EHD4: variants seen among roughly 807,000 people sequenced by gnomAD.
EHD4 encodes EH domain containing 4, also known as EH domain-containing protein 4.
In EHD4, 37 loss-of-function variants were observed where a neutral mutation model predicts 51.0. The observed-to-expected ratio is 0.73, with a 90% CI of 0.56 to 0.95. EHD4 has a LOEUF of 0.95. Ranked by LOEUF, EHD4 falls within the 40% of genes least tolerant of loss-of-function variation. The probability of loss-of-function intolerance (pLI) is 0.00; values close to 1 mark genes in which losing one functional copy is unlikely to be tolerated. For missense variants in EHD4, 632 were observed against 733.1 expected (o/e 0.86, Z 1.59); for synonymous variants, 297 against 317.3 (o/e 0.94, Z 0.68).
intron 3 of EHD4, among the ~76,000 whole-genome samples, chr15:41,922,852 G>C (rs1183763245): frequency 6.6e-6 from 1 of 152,164 alleles, no homozygotes; most frequent in Non-Finnish European, 1.5e-5. Context: ...GCTTAATATA[G>C]TTCGAGAAGT....
chr15:41,928,851 G>C (rs2067680054), intron 3 of EHD4: 1 of 152,258 alleles, frequency 6.6e-6, no homozygotes, highest in Non-Finnish European at 1.5e-5. Context: ...GAATGGCTCT[G>C]CTCCACTGGC....
intron 5 of EHD4, among the ~76,000 whole-genome samples, chr15:41,903,031 C>T (rs948545956): frequency 1.7e-4 from 26 of 151,486 alleles, no homozygotes; most frequent in African/African-American, 5.6e-4. Flanking sequence ...GCGAGAGTTA[C>T]CTAGAGCTTT....
At chr15:41,942,730 T>C in intron 3 of EHD4, 1 of 234,392 alleles carries the variant, frequency 4.3e-6, no homozygotes, top group Non-Finnish European at 8.6e-6. Context: ...CTCCTTCAGA[T>C]CCTAGTTCCA....
intron 4 of EHD4, among the ~76,000 whole-genome samples, chr15:41,914,483 T>C (rs955149703): frequency 1.3e-5 from 2 of 151,838 alleles, no homozygotes; most frequent in Non-Finnish European, 2.9e-5. Context: ...GGGTTTGTTA[T>C]TCTGCTCAGA....
In EHD4 at chr15:41,896,098, G is replaced by A. The variant is rs757562843; in HGVS notation, c.*4547C>T. 2 of 152,122 alleles carry A rather than the reference G, an allele frequency of 1.3e-5. No homozygotes were observed. The highest frequency in any genetic ancestry group is 2.9e-5 in the Non-Finnish European group (2 of 68,056). The allele number at this position is 152,122 out of a possible 1,614,324, so 9.4% of individuals were successfully genotyped here. A position where few individuals can be genotyped will look rare whatever the true frequency, so the allele number is the denominator to read the frequency against. On this transcript the variant is annotated 3_prime_UTR_variant, in exon 6 of 6. Transcript: ENST00000220325. ...ATTATAGGTGTGAGCCACCATGCCT[G>A]GCTTACACAGTATAAAGGGAATGCA...
At chr15:41,934,958 C>T (rs1385659600) in intron 3 of EHD4, among the ~76,000 whole-genome samples, 1 of 152,154 alleles carries the variant, frequency 6.6e-6, no homozygotes, top group African/African-American at 2.4e-5. Context: ...CTTCCTGGTA[C>T]TCTCAGAGAA....
At chr15:41,965,520 A>T (rs1442240832) in intron 1 of EHD4, among the ~76,000 whole-genome samples, 1 of 152,232 alleles carries the variant, frequency 6.6e-6, no homozygotes, top group Non-Finnish European at 1.5e-5. Context: ...AATGGTTCCC[A>T]AATGTTTCCT....
chr15:41,925,391 C>T (rs2067654704), intron 3 of EHD4, among the ~76,000 whole-genome samples: 2 of 152,212 alleles, frequency 1.3e-5, no homozygotes, highest in Admixed American at 1.3e-4. Flanking sequence ...GGTGACAGAA[C>T]AGGAGTGAGA....
rs185540666 is a variant in EHD4 at position 41,897,189 on chromosome 15, T to C, written c.*3456A>G. Reference sequence around the variant, plus strand: ...GCATTTACCTGAGTAAACTCAGTGGTTTTCTGTCCTAAGCATGCTTGCCTG... The same window carrying C: ...GCATTTACCTGAGTAAACTCAGTGGCTTTCTGTCCTAAGCATGCTTGCCTG... On this transcript the variant is annotated 3_prime_UTR_variant, in exon 6 of 6. Transcript: ENST00000220325. 4.5e-4 allele frequency: 68 copies of C among 152,296 alleles called. No individual in the cohort carries two copies. Among genetic ancestry groups the C allele is most frequent in the African/African-American group, 1.6e-3 (67 of 41,546 alleles). The allele number at this position is 152,296 out of a possible 1,614,324, so 9.4% of individuals were successfully genotyped here. A position where few individuals can be genotyped will look rare whatever the true frequency, so the allele number is the denominator to read the frequency against.
In EHD4 at chr15:41,900,438, T is replaced by C; in HGVS notation, c.*207A>G. 3.3e-6 allele frequency: 2 copies of C among 604,572 alleles called. No homozygotes were observed. The highest frequency in any genetic ancestry group is 5.8e-6 in the Non-Finnish European group (2 of 346,672). 37.5% of individuals were successfully genotyped at this position (604,572 alleles called of 1,614,324 possible). On this transcript the variant is annotated 3_prime_UTR_variant, in exon 6 of 6. Coordinates refer to ENST00000220325, the MANE Select transcript of EHD4 (RefSeq NM_139265.4). This position sits in a 1 kb window ranked among gnomAD's most constrained non-coding sequence, Gnocchi z 4.8. ...CCTTCAATCTCCTAATCCACCCCCC[T>C]ACCCCCAATATTTTCATAGAAACTA...
At chr15:41,953,516 C>T (rs1270880479) in intron 2 of EHD4, among the ~76,000 whole-genome samples, 1 of 152,166 alleles carries the variant, frequency 6.6e-6, no homozygotes, top group Non-Finnish European at 1.5e-5. Context: ...ACACACCTGG[C>T]CCTGTGCAGC....
intron 5 of EHD4, among the ~76,000 whole-genome samples, chr15:41,909,236 G>A (rs922746916): frequency 1.2e-4 from 18 of 152,348 alleles, no homozygotes; most frequent in African/African-American, 4.1e-4. Context: ...GTCCAGCAGC[G>A]TCCGCAGAGC....
chr15:41,965,426 G>A (rs2067955482), intron 1 of EHD4, among the ~76,000 whole-genome samples: 1 of 152,200 alleles, frequency 6.6e-6, no homozygotes, highest in South Asian at 2.1e-4. Flanking sequence ...TGGAACGGAT[G>A]GAAGGTTCAG....
chr15:41,909,128 G>T (rs1183380930), intron 5 of EHD4, among the ~76,000 whole-genome samples: 1 of 152,208 alleles, frequency 6.6e-6, no homozygotes, highest in Non-Finnish European at 1.5e-5. Context: ...TTGTTGCCTG[G>T]CTGGAGCTGC....
chr15:41,965,111 C>T (rs2067953765), intron 1 of EHD4, among the ~76,000 whole-genome samples: 1 of 151,986 alleles, frequency 6.6e-6, no homozygotes, highest in African/African-American at 2.4e-5. Flanking sequence ...TATGCTTAGG[C>T]TATTCTAAGA....
chr15:41,917,925 C>G (rs911650396), intron 4 of EHD4, among the ~76,000 whole-genome samples: 1 of 152,206 alleles, frequency 6.6e-6, no homozygotes, highest in African/African-American at 2.4e-5. Context: ...TGCACACGCA[C>G]TGGGACACAC....
At chr15:41,960,128 C>A (rs2067915540) in intron 1 of EHD4, among the ~76,000 whole-genome samples, 1 of 152,132 alleles carries the variant, frequency 6.6e-6, no homozygotes, top group Non-Finnish European at 1.5e-5. Flanking sequence ...ACTATCACTG[C>A]TTCTAGATAC....
intron 5 of EHD4, among the ~76,000 whole-genome samples, chr15:41,905,049 G>A (rs1037552694): frequency 2.0e-5 from 3 of 152,240 alleles, no homozygotes; most frequent in African/African-American, 7.2e-5. Context: ...ACCCTGATAT[G>A]TGCAAAGATC....
chr15:41,954,027 C>A, intron 1 of EHD4, 87 bp from the exon 2 acceptor site: 1 of 1,408,306 alleles, frequency 7.1e-7, no homozygotes, highest in Non-Finnish European at 9.8e-7. Context: ...AATTTTTTTA[C>A]ATAATCATTT....
Sources: gnomAD v4.1 joint callset for allele counts (sites outside exome capture counted in the v4.1 genomes callset) on GRCh38, gnomAD v4.1.1 for gene constraint, Gnocchi (gnomAD v3.1) non-coding constraint, MANE v1.5 for transcripts, NCBI Gene and HGNC (gene_info 2026-07-23, HGNC 2026-07-21) for gene names.